Variants in PDZD4 observed in about 807,000 individuals in gnomAD.
PDZD4 encodes PDZ domain-containing protein 4.
Under a neutral mutation model 38.5 loss-of-function variants are expected in PDZD4, and 9 were observed. The observed-to-expected ratio is 0.23, with a 90% confidence interval of 0.14 to 0.41. PDZD4 has a LOEUF of 0.41. Ranked by LOEUF, PDZD4 falls within the 10% of genes least tolerant of loss-of-function variation. The probability of loss-of-function intolerance (pLI) is 1.00; values close to 1 mark genes in which losing one functional copy is unlikely to be tolerated. For synonymous variants in PDZD4, 349 were observed against 315.7 expected (o/e 1.11, Z -1.12); for missense variants, 612 against 722.0 (o/e 0.85, Z 1.75).
In PDZD4 at chrX:153,804,015, G is replaced by A; in HGVS notation, c.1666C>T (p.Pro556Ser). Reference protein sequence around the residue: ...QHAEERGRRNPKTGLTLERVG... With the variant: ...QHAEERGRRNSKTGLTLERVG... ...CGCTCCAGGGTCAACCCCGTCTTGG[G>A]GTTGCGGCGGCCGCGCTCCTCCGCG... Residue 556 changes from proline to serine, a missense_variant, in exon 8 of 8, where the codon CCC becomes TCC. Coordinates refer to ENST00000393758, the MANE Select transcript of PDZD4 (RefSeq NM_001303512.2). 3.5e-6 allele frequency: 4 copies of A among 1,158,345 alleles called. No homozygotes were observed. The highest frequency in any genetic ancestry group is 4.6e-6 in the Non-Finnish European group (4 of 870,572).
At chrX:153,807,753 G>A (rs2064268056) in intron 2 of PDZD4, 1 of 772,025 alleles carries the variant, frequency 1.3e-6, no homozygotes, top group Non-Finnish European at 1.6e-6. Context: ...CCAGGCCCTG[G>A]AGGACTTCTG....
intron 1 of PDZD4, chrX:153,829,604 G>A: frequency 3.9e-6 from 2 of 515,917 alleles, no homozygotes; most frequent in South Asian, 2.0e-4. Flanking sequence ...TGGGCTCCAG[G>A]TCCGAGCTCC....
chrX:153,829,472 A>C (rs1557083206), intron 1 of PDZD4: 1 of 113,656 alleles, frequency 8.8e-6, no homozygotes, highest in Non-Finnish European at 1.8e-5. Context: ...TGCAGGGTGC[A>C]CACAGAAAGT....
rs1231777050 is a variant in PDZD4, at chrX:153,804,205, G to A, written c.1476C>T (p.Pro492=). The change falls in exon 8 of 8, where the codon CCC becomes CCT. Residue 492 remains proline (P), a synonymous_variant. Transcript: ENST00000393758. ...CCCGCCGCAGGGGGCTCTCGGGCAGGGGCTCCACAAGCAGCGGGGTGCTGC... is the reference window on the plus strand; with the variant it reads ...CCCGCCGCAGGGGGCTCTCGGGCAGAGGCTCCACAAGCAGCGGGGTGCTGC... ...SCRSTPLLVE[P]LPESPLRRAM... is the part of the protein sequence containing the mutation. The A allele has an allele frequency of 2.5e-6, 3 of 1,201,428 alleles. No individual in the cohort carries two copies. Among genetic ancestry groups the A allele is most frequent in the African/African-American group, 1.7e-5 (1 of 57,394 alleles).
intron 1 of PDZD4, among the ~76,000 whole-genome samples, chrX:153,816,204 G>A (rs2075182775): frequency 3.8e-5 from 4 of 104,945 alleles, no homozygotes; most frequent in Non-Finnish European, 7.9e-5. Flanking sequence ...GGCCTGTCGG[G>A]GGCTCGGTGG....
intron 1 of PDZD4, among the ~76,000 whole-genome samples, chrX:153,811,142 G>GT (rs372435931): frequency 0.028 from 2,719 of 97,946 alleles, 33 homozygotes; most frequent in African/African-American, 0.037. Flanking sequence ...CCCAGCTGTT[G>GT]TTTTTTTTTT....
In PDZD4 at chrX:153,805,145, A is replaced by G; in HGVS notation, c.732T>C (p.Asn244=). 8.3e-7 allele frequency: 1 copy of G among 1,211,372 alleles called. No individual in the cohort carries two copies. Among genetic ancestry groups the G allele is most frequent in the Non-Finnish European group, 1.1e-6 (1 of 895,400 alleles). The change falls in exon 7 of 8, where the codon AAT becomes AAC. Residue 244 remains asparagine (N), a synonymous_variant. Transcript: ENST00000393758. ...DDFLDDFGSE[N]EGELRARKLK... ...GTTTACGAGCACGCAGCTCCCCCTCATTCTCAGAGCCAAAGTCATCCAGGA... is the reference window on the plus strand; with the variant it reads ...GTTTACGAGCACGCAGCTCCCCCTCGTTCTCAGAGCCAAAGTCATCCAGGA...
intron 1 of PDZD4, among the ~76,000 whole-genome samples, chrX:153,823,089 C>T (rs1165983255): frequency 7.3e-5 from 8 of 109,867 alleles, no homozygotes; most frequent in African/African-American, 2.7e-4. Context: ...GACAGGGTCT[C>T]GTTCTGTCAC....
At chrX:153,816,273 T>C (rs2148468992) in intron 1 of PDZD4, among the ~76,000 whole-genome samples, 1 of 106,174 alleles carries the variant, frequency 9.4e-6, no homozygotes, top group East Asian at 3.1e-4. Flanking sequence ...CGCCCACAGA[T>C]GAGTGGGAGG....
At chrX:153,808,694 C>T in intron 1 of PDZD4, 99 bp from the exon 2 acceptor site, 2 of 971,043 alleles carry the variant, frequency 2.1e-6, no homozygotes. Flanking sequence ...GGGCTGACAA[C>T]CAGCACCCCA....
intron 1 of PDZD4, among the ~76,000 whole-genome samples, chrX:153,809,503 C>T (rs2064287498): frequency 8.9e-6 from 1 of 112,551 alleles, no homozygotes; most frequent in Non-Finnish European, 1.9e-5. Flanking sequence ...AGGAAAATGG[C>T]ATGAACCCAG....
rs1164907774 is a variant in PDZD4 at position 153,807,442 on chromosome X, C to G, written c.315-73G>C. ...CCTCAGCCCCAGCTCCCAGGCAGGC[C>G]GATCCCAGCGTGCCTGGCACGGAGG... On this transcript the variant is annotated intron_variant, in intron 2 of 7. Transcript: ENST00000393758. 18 of 1,017,012 alleles carry G rather than the reference C, an allele frequency of 1.8e-5. 1 individual carries two copies. The highest frequency in any genetic ancestry group is 2.4e-5 in the Non-Finnish European group (18 of 741,228). The allele number at this position is 1,017,012 out of a possible 1,213,427, so 83.8% of individuals were successfully genotyped here. A position where few individuals can be genotyped will look rare whatever the true frequency, so the allele number is the denominator to read the frequency against.
intron 1 of PDZD4, among the ~76,000 whole-genome samples, chrX:153,817,642 T>G (rs1226900976): frequency 8.9e-6 from 1 of 111,904 alleles, no homozygotes; most frequent in Non-Finnish European, 1.9e-5. Context: ...ACATTGAGAA[T>G]AGACTAAAAG....
At chrX:153,811,018 G>A (rs1404635578) in intron 1 of PDZD4, among the ~76,000 whole-genome samples, 1 of 112,159 alleles carries the variant, frequency 8.9e-6, no homozygotes, top group African/African-American at 3.2e-5. Context: ...CTGTTGCCCA[G>A]GCTGGGGTGC....
chrX:153,814,043 T>G (rs1557079292), intron 1 of PDZD4, among the ~76,000 whole-genome samples: 1 of 111,208 alleles, frequency 9.0e-6, no homozygotes, highest in East Asian at 2.8e-4. Flanking sequence ...ATAATAATAA[T>G]AAGAGATGGG....
Position 153,803,365 on chromosome X carries a change from G to T in PDZD4, c.2316C>A (p.Val772=), listed in dbSNP as rs956634876. 2 of 1,134,498 alleles carry T rather than the reference G, an allele frequency of 1.8e-6. No individual in the cohort carries two copies. Among genetic ancestry groups the T allele is most frequent in the African/African-American group, 1.8e-5 (1 of 54,685 alleles). 93.5% of individuals were successfully genotyped at this position (1,134,498 alleles called of 1,213,427 possible). The part of the protein sequence containing the change: ...GKRVYNPLLS[V]TTV ...CCGCCCGGGCAGCTCACACGGTGGT[G>T]ACTGAGAGAAGAGGGTTGTAGACCC... The change falls in exon 8 of 8, where the codon GTC becomes GTA. Residue 772 remains valine, a synonymous_variant. Transcript: ENST00000393758.
At position 153,803,524 on chromosome X, in the gene PDZD4, G is replaced by A; in HGVS notation, c.2157C>T (p.Asp719=). Residue 719 remains aspartate (D), a synonymous_variant, in exon 8 of 8, where the codon GAC becomes GAT. Transcript: ENST00000393758. ...LECLREQQNG[D]SKPELNIIAL... is the part of the protein sequence containing the mutation. ...CAATGATGTTGAGCTCGGGCTTGCT[G>A]TCGCCATTCTGCTGCTCCCGCAGGC... 9.2e-6 allele frequency: 11 copies of A among 1,199,420 alleles called. No homozygotes were observed. The highest frequency in any genetic ancestry group is 8.9e-5 in the East Asian group (3 of 33,623).
chrX:153,806,603 G>A (rs963892396), intron 4 of PDZD4, 139 bp downstream of exon 4: 7 of 524,561 alleles, frequency 1.3e-5, no homozygotes, highest in African/African-American at 2.3e-5. Flanking sequence ...GGCTGAAGCC[G>A]TCGACCATCA....
intron 4 of PDZD4, among the ~76,000 whole-genome samples, 189 bp downstream of exon 4, chrX:153,806,553 C>A (rs781890267): frequency 8.9e-6 from 1 of 112,727 alleles, no homozygotes; most frequent in East Asian, 2.8e-4. Context: ...CCCACCCAGG[C>A]ACAGGCCTCT....
Sources: allele counts gnomAD v4.1 joint callset (sites outside exome capture counted in the v4.1 genomes callset), GRCh38; gene constraint gnomAD v4.1.1; transcripts MANE v1.5; gene names NCBI Gene and HGNC (gene_info 2026-07-23, HGNC 2026-07-21).